The following INSYN1 variants were observed in gnomAD, a reference collection of about 807,000 sequenced individuals.
INSYN1 encodes UPF0583 protein C15orf59.
In INSYN1, 7 loss-of-function variants were observed where a neutral mutation model predicts 17.1. The observed-to-expected ratio is 0.41, with a 90% CI of 0.23 to 0.77. The LOEUF (loss-of-function observed/expected upper bound fraction) is 0.77. Ranked by LOEUF, INSYN1 falls within the 30% of genes least tolerant of loss-of-function variation. INSYN1 has a pLI of 0.32. For missense variants in INSYN1, 339 were observed against 400.6 expected, an observed-to-expected ratio of 0.85 and a Z score of 1.31; for synonymous variants, 174 against 166.3, an observed-to-expected ratio of 1.05 and a Z score of -0.36.
In INSYN1 at chr15:73,751,096, G is replaced by A. The variant is rs1901966969; in HGVS notation, c.35C>T (p.Pro12Leu). ...ACCACCACTGCTGGGGTCGTCACTG[G>A]GCTGCCCGAGGTCCGGGGCGCCCCG... ...NIRGAPDLGQ[P>L]SDDPSSGGER... Residue 12 changes from proline to leucine, a missense_variant, in exon 2 of 3, where the codon CCC (proline) becomes CTC (leucine). Pro to Leu is a moderately conservative substitution (Grantham distance 98). Transcript: ENST00000569673. 3 of 1,613,948 alleles carry A rather than the reference G, an allele frequency of 1.9e-6. No individual in the cohort carries two copies. Among genetic ancestry groups the A allele is most frequent in the South Asian group, 1.1e-5 (1 of 91,074 alleles).
chr15:73,748,177 G>A lies in INSYN1; in HGVS notation c.156+2798C>T, dbSNP rs1386124512. 2.0e-5 allele frequency among the ~76,000 whole-genome samples: 3 copies of A among 152,196 alleles called. No individual in the cohort carries two copies. The East Asian group carries it at 5.8e-4, about 29-fold the overall frequency. On this transcript the variant is annotated intron_variant, in intron 2 of 2. Transcript: ENST00000569673. Reference sequence around the variant, plus strand: ...TCAGAGATGAGCAAACTGAGGCTGAGGGACCTGGGGAGGAAGTGCTTTGGT... The same window carrying A: ...TCAGAGATGAGCAAACTGAGGCTGAAGGACCTGGGGAGGAAGTGCTTTGGT...
In INSYN1 at chr15:73,747,993, T is replaced by C. The variant is rs376654892; in HGVS notation, c.156+2982A>G. On this transcript the variant is annotated intron_variant, in intron 2 of 2. Coordinates refer to ENST00000569673, the MANE Select transcript of INSYN1 (RefSeq NM_001039614.3). Reference sequence around the variant, plus strand: ...CAGGGAGCCAGTGGCAGAGCTATAGTAGGGGTTTGCGAGGGCGAGGGAGGT... The same window carrying C: ...CAGGGAGCCAGTGGCAGAGCTATAGCAGGGGTTTGCGAGGGCGAGGGAGGT... Among the ~76,000 whole-genome samples the C allele has an allele frequency of 4.6e-5, 7 of 152,248 alleles. No individual in the cohort carries two copies. In the South Asian group the frequency reaches 6.2e-4, roughly 14 times the overall value.
At position 73,753,340 on chromosome 15, in the gene INSYN1, A is replaced by T. The variant is rs1194937061; in HGVS notation, c.-1798T>A. The stretch of plus-strand genomic sequence containing the variant: ...TGGCTCCGCTTGCCTCGGCGCTGTC[A>T]GGGAAGGGGCCGGCCCGCCGCGCCG... On this transcript the variant is annotated 5_prime_UTR_variant, in exon 1 of 3. Coordinates refer to ENST00000569673, the MANE Select transcript of INSYN1 (RefSeq NM_001039614.3). This position sits in a 1 kb window ranked among gnomAD's most constrained non-coding sequence, Gnocchi z 4.2. 6.7e-6 allele frequency among the ~76,000 whole-genome samples: 1 copy of T among 150,194 alleles called. No individual in the cohort carries two copies. The highest frequency in any genetic ancestry group is 1.5e-5 in the Non-Finnish European group (1 of 67,432).
Position 73,740,427 on chromosome 15 carries a change from G to T in INSYN1, c.372C>A (p.Ser124=). The change falls in exon 3 of 3, where the codon TCC becomes TCA. Residue 124 remains serine (S), a synonymous_variant. Coordinates refer to ENST00000569673, the MANE Select transcript of INSYN1 (RefSeq NM_001039614.3). Reference sequence around the variant, plus strand: ...GCCGAGTCGACTCGGGACCATCCACGGAGTCCGAGGGGGTAGAGACGTCCA... The same window carrying T: ...GCCGAGTCGACTCGGGACCATCCACTGAGTCCGAGGGGGTAGAGACGTCCA... ...SFLDVSTPSD[S]VDGPESTRPG... The T allele has an allele frequency of 6.2e-7, 1 of 1,613,370 alleles. No individual in the cohort carries two copies. Among genetic ancestry groups the T allele is most frequent in the Admixed American group, 1.7e-5 (1 of 59,954 alleles).
At chr15:73,748,249 A>T (rs987758209) in intron 2 of INSYN1, among the ~76,000 whole-genome samples, 1 of 152,132 alleles carries the variant, frequency 6.6e-6, no homozygotes. Context: ...CGAGAGGATG[A>T]GGAGAGTCTG....
intron 2 of INSYN1, among the ~76,000 whole-genome samples, chr15:73,746,421 T>C (rs1246290593): frequency 1.3e-5 from 2 of 152,220 alleles, no homozygotes; most frequent in African/African-American, 4.8e-5. Flanking sequence ...CGCAGCTCCG[T>C]GGTCCCCAGC....
At chr15:73,746,671 C>T (rs559801145) in intron 2 of INSYN1, among the ~76,000 whole-genome samples, 1 of 152,248 alleles carries the variant, frequency 6.6e-6, no homozygotes, top group South Asian at 2.1e-4. Flanking sequence ...GTGTTTGGGC[C>T]AAAGTGAGCA....
rs1162167765 is a variant in INSYN1, at chr15:73,752,778, C to CG, written c.-1237dup. 2 of 151,742 alleles carry CG rather than the reference C, an allele frequency of 1.3e-5. No individual in the cohort carries two copies. Among genetic ancestry groups the CG allele is most frequent in the Non-Finnish European group, 1.5e-5 (1 of 67,896 alleles). 9.4% of individuals were successfully genotyped at this position (151,742 alleles called of 1,614,324 possible). A position where few individuals can be genotyped will look rare whatever the true frequency, so the allele number is the denominator to read the frequency against. ...ACGTTCCGAAAGGTCCGGAATCCACCGGGTCCCCGAGGAGGGGCGATGTCA... is the reference window on the plus strand; with the variant it reads ...ACGTTCCGAAAGGTCCGGAATCCACCGGGGTCCCCGAGGAGGGGCGATGTCA... On this transcript the variant is annotated 5_prime_UTR_variant, in exon 1 of 3. Transcript: ENST00000569673. This position sits in a 1 kb window ranked among gnomAD's most constrained non-coding sequence, Gnocchi z 5.2.
At chr15:73,744,590 T>C (rs1901773919) in intron 2 of INSYN1, among the ~76,000 whole-genome samples, 1 of 152,186 alleles carries the variant, frequency 6.6e-6, no homozygotes, top group Non-Finnish European at 1.5e-5. Context: ...AGGGCAGGTG[T>C]GGAGCAGACC....
rs538442702 is a variant in INSYN1 at position 73,740,065 on chromosome 15, A to G, written c.734T>C (p.Leu245Pro). 1 of 1,613,414 alleles carries G rather than the reference A, an allele frequency of 6.2e-7. No individual in the cohort carries two copies. The highest frequency in any genetic ancestry group is 1.1e-5 in the South Asian group (1 of 91,060). Residue 245 changes from leucine (L) to proline (P), a missense_variant, in exon 3 of 3, where the codon CTG becomes CCG. Transcript: ENST00000569673. ...PAPYKSRRSP[L>P]TSRHSGSTLA... ...GGTAGAGCCTGAGTGGCGGCTGGTC[A>G]GTGGAGAGCGCCGTGACTTGTAGGG...
Position 73,740,534 on chromosome 15 carries a change from T to C in INSYN1, c.265A>G (p.Met89Val). ...SSTSSSDKAGMGGPFDLGHLD... is the reference protein window; with the variant it reads ...SSTSSSDKAGVGGPFDLGHLD... ...TGGCCCAGGTCAAAGGGGCCACCCATGCCCGCCTTGTCACTGCTAGAGGTG... is the reference window on the plus strand; with the variant it reads ...TGGCCCAGGTCAAAGGGGCCACCCACGCCCGCCTTGTCACTGCTAGAGGTG... The change falls in exon 3 of 3, where the codon ATG (methionine) becomes GTG (valine). Residue 89 changes from methionine to valine, a missense_variant. Met to Val is a conservative substitution (Grantham distance 21). Coordinates refer to ENST00000569673, the MANE Select transcript of INSYN1 (RefSeq NM_001039614.3). 1.2e-6 allele frequency: 2 copies of C among 1,614,116 alleles called. No individual in the cohort carries two copies. Among genetic ancestry groups the C allele is most frequent in the Non-Finnish European group, 1.7e-6 (2 of 1,180,024 alleles).
In INSYN1 at chr15:73,751,203, C is replaced by T. The variant is rs560842721; in HGVS notation, c.-73G>A. 3.5e-5 allele frequency: 55 copies of T among 1,553,758 alleles called. No homozygotes were observed. In the African/African-American group the frequency reaches 7.5e-4, roughly 21 times the overall value. On this transcript the variant is annotated 5_prime_UTR_variant, in exon 2 of 3. Transcript: ENST00000569673. ...ACACACTGCGTCTGCCTCCACGGAGCCCCCCTCGGCTGGGCAGAGCTCCAC... is the reference window on the plus strand; with the variant it reads ...ACACACTGCGTCTGCCTCCACGGAGTCCCCCTCGGCTGGGCAGAGCTCCAC...
chr15:73,749,342 G>A (rs1424367080), intron 2 of INSYN1, among the ~76,000 whole-genome samples: 1 of 152,190 alleles, frequency 6.6e-6, no homozygotes, highest in African/African-American at 2.4e-5. Flanking sequence ...TAAATGGACA[G>A]AGCTGGTCTG....
rs1901647798 is a variant in INSYN1 at position 73,740,148 on chromosome 15, C to A, written c.651G>T (p.Leu217Phe). ...EQEVEEEEVG[L>F]PPEPAHTEAH... ...CCTCTGTATGGGCAGGCTCAGGGGGCAAGCCCACTTCTTCCTCCTCCACCT... is the reference window on the plus strand; with the variant it reads ...CCTCTGTATGGGCAGGCTCAGGGGGAAAGCCCACTTCTTCCTCCTCCACCT... The change falls in exon 3 of 3, where the codon TTG (leucine) becomes TTT (phenylalanine). Residue 217 changes from leucine to phenylalanine, a missense_variant. Leu to Phe is a conservative substitution (Grantham distance 22, BLOSUM62 0). Coordinates refer to ENST00000569673, the MANE Select transcript of INSYN1 (RefSeq NM_001039614.3). The A allele has an allele frequency of 1.9e-6, 3 of 1,613,792 alleles. No individual in the cohort carries two copies. The highest frequency in any genetic ancestry group is 2.5e-6 in the Non-Finnish European group (3 of 1,179,926).
rs1044041122 is a variant in INSYN1 at position 73,737,146 on chromosome 15, C to A, written c.*2771G>T. On this transcript the variant is annotated 3_prime_UTR_variant, in exon 3 of 3. Coordinates refer to ENST00000569673, the MANE Select transcript of INSYN1 (RefSeq NM_001039614.3). Reference sequence around the variant, plus strand: ...AGTCACATAGAGCCAGTGTGGGGTGCAGGATCCCATGGCTGTGTCAGAGAC... The same window carrying A: ...AGTCACATAGAGCCAGTGTGGGGTGAAGGATCCCATGGCTGTGTCAGAGAC... 3 of 152,246 alleles carry A rather than the reference C, an allele frequency of 2.0e-5. No homozygotes were observed. The highest frequency in any genetic ancestry group is 7.2e-5 in the African/African-American group (3 of 41,454). The allele number at this position is 152,246 out of a possible 1,614,324, so 9.4% of individuals were successfully genotyped here. A position where few individuals can be genotyped will look rare whatever the true frequency, so the allele number is the denominator to read the frequency against.
At chr15:73,741,858 T>C (rs1901699680) in intron 2 of INSYN1, among the ~76,000 whole-genome samples, 1 of 152,150 alleles carries the variant, frequency 6.6e-6, no homozygotes, top group South Asian at 2.1e-4. Flanking sequence ...TCCAGGGATG[T>C]GCTAGTATTT....
At position 73,751,208 on chromosome 15, in the gene INSYN1, C is replaced by A; in HGVS notation, c.-78G>T. The A allele has an allele frequency of 6.5e-7, 1 of 1,541,028 alleles. No individual in the cohort carries two copies. The highest frequency in any genetic ancestry group is 8.8e-7 in the Non-Finnish European group (1 of 1,137,254). ...CTGCGTCTGCCTCCACGGAGCCCCC[C>A]TCGGCTGGGCAGAGCTCCACATTTT... On this transcript the variant is annotated 5_prime_UTR_variant, in exon 2 of 3. In the 5' UTR this introduces an upstream ATG that the reference lacks. Transcript: ENST00000569673.
intron 2 of INSYN1, among the ~76,000 whole-genome samples, chr15:73,746,036 C>T (rs1387607741): frequency 1.4e-5 from 2 of 147,538 alleles, no homozygotes; most frequent in Non-Finnish European, 3.0e-5. Flanking sequence ...GGACCCCCCA[C>T]CACACCCCCC....
At chr15:73,740,922 T>C (rs1213838814) in intron 2 of INSYN1, among the ~76,000 whole-genome samples, 1 of 152,200 alleles carries the variant, frequency 6.6e-6, no homozygotes, top group Non-Finnish European at 1.5e-5. Flanking sequence ...TTTCCAGCCC[T>C]GCACACCATC....
Sources: allele counts gnomAD v4.1 joint callset (sites outside exome capture counted in the v4.1 genomes callset), GRCh38; gene constraint gnomAD v4.1.1; non-coding constraint Gnocchi (gnomAD v3.1); transcripts MANE v1.5; gene names NCBI Gene and HGNC (gene_info 2026-07-23, HGNC 2026-07-21).